The following ANKRD46 variants were observed in gnomAD, a reference collection of about 807,000 sequenced individuals.
The protein encoded by ANKRD46 is ankyrin repeat domain-containing protein 46.
A neutral mutation model predicts 19.8 loss-of-function variants in ANKRD46; 13 were observed. The ratio of observed to expected loss-of-function variants is 0.66; its 90% confidence interval spans 0.43 to 1.04. The LOEUF is 1.04. ANKRD46 is among the 50% of genes least tolerant of loss of function. The pLI is 0.00. For synonymous variants in ANKRD46, 91 were observed against 106.9 expected (o/e 0.85, Z 0.92); for missense variants, 185 against 274.8 (o/e 0.67, Z 2.31).
rs992655694 is a variant in ANKRD46, at chr8:100,528,643, T to C, written c.312-640A>G. ...CATTTTATGAGACAAGTACTTTTTT[T>C]AAAAAAGTCTAAGAAAAAAATGTCA... is the stretch of plus-strand genomic sequence containing the variant. On this transcript the variant is annotated intron_variant, in intron 3 of 4. Transcript: ENST00000335659. 7.2e-5 allele frequency among the ~76,000 whole-genome samples: 11 copies of C among 151,982 alleles called. No individual in the cohort carries two copies. The East Asian group carries it at 2.1e-3, about 29-fold the overall frequency.
intron 1 of ANKRD46, among the ~76,000 whole-genome samples, chr8:100,548,384 C>T (rs1447687651): frequency 6.6e-6 from 1 of 152,144 alleles, no homozygotes; most frequent in African/African-American, 2.4e-5. Flanking sequence ...AATGTACTTC[C>T]CTGGATGGAG....
Position 100,522,506 on chromosome 8 carries a change from T to TG in ANKRD46, c.*48dup. ...ATTCTGAGAAACTGAGAACAAACATTGGAAGCCAGGAAACAGGCAATTAAT... is the reference window on the plus strand; with the variant it reads ...ATTCTGAGAAACTGAGAACAAACATTGGGAAGCCAGGAAACAGGCAATTAAT... On this transcript the variant is annotated 3_prime_UTR_variant, in exon 5 of 5. Coordinates refer to ENST00000335659, the MANE Select transcript of ANKRD46 (RefSeq NM_001270377.2). 1.2e-6 allele frequency: 2 copies of TG among 1,601,644 alleles called. No individual in the cohort carries two copies. Among genetic ancestry groups the TG allele is most frequent in the Non-Finnish European group, 1.7e-6 (2 of 1,172,828 alleles).
In ANKRD46 at chr8:100,532,983, G is replaced by A. The variant is rs1024719008; in HGVS notation, c.-28+226C>T. On this transcript the variant is annotated intron_variant, in intron 2 of 4. Coordinates refer to ENST00000335659, the MANE Select transcript of ANKRD46 (RefSeq NM_001270377.2). This position sits in a 1 kb window ranked among gnomAD's most constrained non-coding sequence, Gnocchi z 4.7. ...TTTGCAGACTAGGATACTTCTGAGTGTTGGCTCAGCAAGAAATACAAGTCT... is the reference window on the plus strand; with the variant it reads ...TTTGCAGACTAGGATACTTCTGAGTATTGGCTCAGCAAGAAATACAAGTCT... Among the ~76,000 whole-genome samples the A allele has an allele frequency of 2.6e-5, 4 of 152,222 alleles. No individual in the cohort carries two copies. Among genetic ancestry groups the A allele is most frequent in the Admixed American group, 1.3e-4 (2 of 15,288 alleles).
At chr8:100,519,790 G>A (rs905980821), downstream of ANKRD46, among the ~76,000 whole-genome samples, 2 of 152,180 alleles carry the variant, frequency 1.3e-5, no homozygotes, top group Admixed American at 6.5e-5. Context: ...GTTCGTTCAT[G>A]AAGCTACAGG....
chr8:100,538,647 TA>T (rs1812112072), intron 1 of ANKRD46, among the ~76,000 whole-genome samples: 2 of 152,166 alleles, frequency 1.3e-5, no homozygotes, highest in East Asian at 1.9e-4. Flanking sequence ...CAGGCACTAA[TA>T]AAAAGTGTGA....
Position 100,545,771 on chromosome 8 carries a change from CTGATAG to C in ANKRD46, c.-130-12466_-130-12461del, listed in dbSNP as rs1162378541. The stretch of plus-strand genomic sequence containing the variant: ...TTGCTGAATGGTTTTGACCAAAATG[CTGATAG>C]TGATATGGACAATGAAATCAAGGCT... On this transcript the variant is annotated intron_variant, in intron 1 of 4. Coordinates refer to ENST00000335659, the MANE Select transcript of ANKRD46 (RefSeq NM_001270377.2). This position sits in a 1 kb window ranked among gnomAD's most constrained non-coding sequence, Gnocchi z 4.7. Among the ~76,000 whole-genome samples, 1 of 152,112 alleles carries C rather than the reference CTGATAG, an allele frequency of 6.6e-6. No homozygotes were observed. The highest frequency in any genetic ancestry group is 1.5e-5 in the Non-Finnish European group (1 of 68,032).
In ANKRD46 at chr8:100,537,823, G is replaced by A. The variant is rs1187793291; in HGVS notation, c.-130-4512C>T. On this transcript the variant is annotated intron_variant, in intron 1 of 4. Transcript: ENST00000335659. This position sits in a 1 kb window ranked among gnomAD's most constrained non-coding sequence, Gnocchi z 4.2. ...ACAGCAACTCTTTCTCTAATAGAGT[G>A]ATCTTAATTCCCAAGGCCCACAGAC... Among the ~76,000 whole-genome samples the A allele has an allele frequency of 6.6e-6, 1 of 152,200 alleles. No individual in the cohort carries two copies. The highest frequency in any genetic ancestry group is 1.5e-5 in the Non-Finnish European group (1 of 68,034).
intron 1 of ANKRD46, among the ~76,000 whole-genome samples, chr8:100,538,246 AAG>A (rs1554561098): frequency 6.6e-6 from 1 of 151,668 alleles, no homozygotes. Context: ...TATGAAAAAA[AAG>A]AAACTAAAAG....
intron 1 of ANKRD46, chr8:100,551,010 C>T: frequency 1.9e-6 from 1 of 526,122 alleles, no homozygotes; most frequent in Non-Finnish European, 3.7e-6. Flanking sequence ...AACACGTTTG[C>T]AGAAGGACAC....
At position 100,510,669 on chromosome 8, in the gene ANKRD46, A is replaced by C; in HGVS notation, c.637-30T>G. 1 of 1,518,962 alleles carries C rather than the reference A, an allele frequency of 6.6e-7. No individual in the cohort carries two copies. The highest frequency in any genetic ancestry group is 8.8e-7 in the Non-Finnish European group (1 of 1,136,842). The allele number at this position is 1,518,962 out of a possible 1,614,324, so 94.1% of individuals were successfully genotyped here. On this transcript the variant is annotated intron_variant, in intron 5 of 5. Transcript: ENST00000520552. The surrounding 1 kb of genome is among the most constrained non-coding windows in gnomAD (Gnocchi z 4.9). The stretch of plus-strand genomic sequence containing the variant: ...AAATGTGGGGAAGACAGATTAAAAA[A>C]AAAAAAAAATCCCAGTTCTGTTAAG...
chr8:100,529,389 A>G lies in ANKRD46; in HGVS notation c.311+134T>C, dbSNP rs542902067. Reference sequence around the variant, plus strand: ...TCCCTCACTTGCCTAACAGGATTACACTGTCTTCAATGCTTTCTGAACTTA... The same window carrying G: ...TCCCTCACTTGCCTAACAGGATTACGCTGTCTTCAATGCTTTCTGAACTTA... On this transcript the variant is annotated intron_variant, in intron 3 of 4. Coordinates refer to ENST00000335659, the MANE Select transcript of ANKRD46 (RefSeq NM_001270377.2). This position sits in a 1 kb window ranked among gnomAD's most constrained non-coding sequence, Gnocchi z 5.8. The G allele has an allele frequency of 2.1e-6, 2 of 954,322 alleles. No individual in the cohort carries two copies. Among genetic ancestry groups the G allele is most frequent in the Admixed American group, 2.9e-5 (1 of 34,834 alleles). 59.1% of individuals were successfully genotyped at this position (954,322 alleles called of 1,614,324 possible).
Position 100,550,527 on chromosome 8 carries a change from CTT to C in ANKRD46, c.-131+9182_-131+9183del, listed in dbSNP as rs34381045. On this transcript the variant is annotated intron_variant, in intron 1 of 4. Coordinates refer to ENST00000335659, the MANE Select transcript of ANKRD46 (RefSeq NM_001270377.2). This position sits in a 1 kb window ranked among gnomAD's most constrained non-coding sequence, Gnocchi z 4.4. ...TAAAATCAGGTTGTTCATTTTCTAT[CTT>C]TTTTTTTTTTTTGAGTACAGAGGAC... is the stretch of plus-strand genomic sequence containing the variant. 9.0e-5 allele frequency: 13 copies of C among 145,240 alleles called. No homozygotes were observed. Among genetic ancestry groups the C allele is most frequent in the South Asian group, 2.1e-4 (1 of 4,668 alleles). The allele number at this position is 145,240 out of a possible 1,614,324, so 9.0% of individuals were successfully genotyped here. A position where few individuals can be genotyped will look rare whatever the true frequency, so the allele number is the denominator to read the frequency against.
At position 100,551,704 on chromosome 8, in the gene ANKRD46, C is replaced by A. The variant is rs192715864; in HGVS notation, c.-131+8007G>T. 103 of 615,268 alleles carry A rather than the reference C, an allele frequency of 1.7e-4. No homozygotes were observed. In the East Asian group the frequency reaches 3.7e-3, roughly 22 times the overall value. 38.1% of individuals were successfully genotyped at this position (615,268 alleles called of 1,614,324 possible). A position where few individuals can be genotyped will look rare whatever the true frequency, so the allele number is the denominator to read the frequency against. ...CCAAATCTATTTACTCTGGCCTTCA[C>A]CTTCACCATGATGTCTTAGAGACAT... On this transcript the variant is annotated intron_variant, in intron 1 of 4. Coordinates refer to ENST00000335659, the MANE Select transcript of ANKRD46 (RefSeq NM_001270377.2).
chr8:100,543,900 G>A lies in ANKRD46; in HGVS notation c.-130-10589C>T, dbSNP rs1346557430. On this transcript the variant is annotated intron_variant, in intron 1 of 4. Coordinates refer to ENST00000335659, the MANE Select transcript of ANKRD46 (RefSeq NM_001270377.2). The surrounding 1 kb of genome is among the most constrained non-coding windows in gnomAD (Gnocchi z 4.2). ...GTGTCCTTTCATACCATGTCTCTCT[G>A]GCCCAAATTTTTCTTTTTAATTATA... Among the ~76,000 whole-genome samples, 4 of 151,918 alleles carry A rather than the reference G, an allele frequency of 2.6e-5. No homozygotes were observed. Among genetic ancestry groups the A allele is most frequent in the Non-Finnish European group, 5.9e-5 (4 of 67,988 alleles).
In ANKRD46 at chr8:100,510,787, G is replaced by A. The variant is rs1271750208; in HGVS notation, c.637-148C>T. 3.0e-5 allele frequency: 21 copies of A among 693,898 alleles called. No individual in the cohort carries two copies. The highest frequency in any genetic ancestry group is 4.3e-5 in the Non-Finnish European group (19 of 440,928). 43.0% of individuals were successfully genotyped at this position (693,898 alleles called of 1,614,324 possible). ...TCCTCTGCCCATCTCAGCTCTCAAC[G>A]CTCACAGGAAGGGTCCTGCCGCTTC... On this transcript the variant is annotated intron_variant, in intron 5 of 5. Transcript: ENST00000520552. The surrounding 1 kb of genome is among the most constrained non-coding windows in gnomAD (Gnocchi z 4.9).
chr8:100,529,978 A>G lies in ANKRD46; in HGVS notation c.-27-118T>C. 1 of 632,742 alleles carries G rather than the reference A, an allele frequency of 1.6e-6. No homozygotes were observed. Among genetic ancestry groups the G allele is most frequent in the Non-Finnish European group, 2.6e-6 (1 of 378,860 alleles). The allele number at this position is 632,742 out of a possible 1,614,324, so 39.2% of individuals were successfully genotyped here. ...GCCTCCTGCCTCTAATAAATAAATG[A>G]CCAAACAGAAACAACAACAAAGTTA... On this transcript the variant is annotated intron_variant, in intron 2 of 4. Transcript: ENST00000335659. The surrounding 1 kb of genome is among the most constrained non-coding windows in gnomAD (Gnocchi z 5.8).
downstream of ANKRD46, among the ~76,000 whole-genome samples, chr8:100,519,716 G>A (rs1418340356): frequency 1.3e-5 from 2 of 152,286 alleles, no homozygotes; most frequent in East Asian, 3.9e-4. Flanking sequence ...CCTGTGGCAG[G>A]TGCTGCTGAT....
rs1006423179 is a variant in ANKRD46 at position 100,537,119 on chromosome 8, G to A, written c.-130-3808C>T. Among the ~76,000 whole-genome samples the A allele has an allele frequency of 6.6e-6, 1 of 152,108 alleles. No individual in the cohort carries two copies. Among genetic ancestry groups the A allele is most frequent in the Admixed American group, 6.5e-5 (1 of 15,274 alleles). On this transcript the variant is annotated intron_variant, in intron 1 of 4. Transcript: ENST00000335659. This position sits in a 1 kb window ranked among gnomAD's most constrained non-coding sequence, Gnocchi z 4.2. The stretch of plus-strand genomic sequence containing the variant: ...TGGATCCACAATCTTAGGTCAATCT[G>A]TAAAACTTTAAGATATAATAGTATT...
At chr8:100,523,450 G>T (rs1210734590) in intron 4 of ANKRD46, among the ~76,000 whole-genome samples, 1 of 151,692 alleles carries the variant, frequency 6.6e-6, no homozygotes, top group East Asian at 1.9e-4. Context: ...TGTCTGTTGG[G>T]GGGAGGGGGG....
Sources: gnomAD v4.1 joint callset for allele counts (sites outside exome capture counted in the v4.1 genomes callset) on GRCh38, gnomAD v4.1.1 for gene constraint, Gnocchi (gnomAD v3.1) non-coding constraint, MANE v1.5 for transcripts, NCBI Gene and HGNC (gene_info 2026-07-23, HGNC 2026-07-21) for gene names.